Variants in JAZF1 observed in about 807,000 individuals in gnomAD.
JAZF1 encodes the protein juxtaposed with another zinc finger protein 1.
JAZF1 carries 8 observed loss-of-function variants against 26.4 expected under a neutral mutation model. The observed-to-expected ratio is 0.30, with a 90% CI of 0.18 to 0.55. The LOEUF (loss-of-function observed/expected upper bound fraction) is 0.55. JAZF1 is among the 20% of genes least tolerant of loss of function. The pLI is 0.94. For synonymous variants in JAZF1, 126 were observed against 122.3 expected (o/e 1.03, Z -0.20); for missense variants, 199 against 322.0 (o/e 0.62, Z 2.92).
At chr7:28,178,486 T>C (rs1437168615) in intron 1 of JAZF1, among the ~76,000 whole-genome samples, 1 of 152,222 alleles carries the variant, frequency 6.6e-6, no homozygotes, top group Non-Finnish European at 1.5e-5. Context: ...GACAGCCTTC[T>C]GTAAGTCAAG....
intron 1 of JAZF1, among the ~76,000 whole-genome samples, chr7:28,015,914 C>T (rs1315547949): frequency 6.6e-6 from 1 of 152,174 alleles, no homozygotes; most frequent in Non-Finnish European, 1.5e-5. Context: ...GGCTCCAGGT[C>T]CCTGCCTCTC....
intron 1 of JAZF1, among the ~76,000 whole-genome samples, chr7:28,138,144 ACT>A (rs1203443500): frequency 6.6e-6 from 1 of 152,126 alleles, no homozygotes; most frequent in Non-Finnish European, 1.5e-5. Context: ...GCAGGTATAA[ACT>A]CTCTGCAGGG....
At chr7:27,886,983 A>G (rs1430304257) in intron 3 of JAZF1, among the ~76,000 whole-genome samples, 4 of 152,342 alleles carry the variant, frequency 2.6e-5, no homozygotes, top group African/African-American at 7.2e-5. Context: ...CATCATCCTT[A>G]GGAAGCTAAC....
intron 1 of JAZF1, among the ~76,000 whole-genome samples, chr7:28,036,406 T>C (rs1448929061): frequency 2.0e-5 from 3 of 152,240 alleles, no homozygotes; most frequent in Non-Finnish European, 4.4e-5. Context: ...TTTGAAAATA[T>C]TAATAACCTG....
At chr7:27,980,636 C>T (rs1432429058) in intron 2 of JAZF1, among the ~76,000 whole-genome samples, 2 of 152,030 alleles carry the variant, frequency 1.3e-5, no homozygotes, top group African/African-American at 2.4e-5. Flanking sequence ...GATATTTGAG[C>T]AGAAAAGTCG....
At position 28,152,695 on chromosome 7, in the gene JAZF1, A is replaced by T. The variant is rs578256438; in HGVS notation, c.115+27768T>A. Among the ~76,000 whole-genome samples, 171 of 152,366 alleles carry T rather than the reference A, an allele frequency of 1.1e-3. 1 individual carries two copies. In the South Asian group the frequency reaches 0.022, roughly 19 times the overall value. ...AAATACAAGAATAGTAAGTAAATAC[A>T]GCGAGTTAATGAAGAATTACAGATA... On this transcript the variant is annotated intron_variant, in intron 1 of 4. Transcript: ENST00000283928.
chr7:27,991,397 T>C (rs66642060), intron 2 of JAZF1, among the ~76,000 whole-genome samples: 35,561 of 152,056 alleles, frequency 0.23, 4,583 homozygotes, highest in East Asian at 0.5. Context: ...TGCTCTGAAG[T>C]TGGGCTCACA....
In JAZF1 at chr7:27,831,048, T is replaced by G. The variant is rs1562754641; in HGVS notation, c.*1752A>C. 4.5e-6 allele frequency: 1 copy of G among 221,972 alleles called. No individual in the cohort carries two copies. Among genetic ancestry groups the G allele is most frequent in the Non-Finnish European group, 9.0e-6 (1 of 110,802 alleles). 13.8% of individuals were successfully genotyped at this position (221,972 alleles called of 1,614,324 possible). ...AGATATGAAATAGCCAAGTGGGGCC[T>G]TCTTATGCACCAACTAGTTGCGTCT... On this transcript the variant is annotated 3_prime_UTR_variant, in exon 5 of 5. Transcript: ENST00000283928.
At chr7:27,953,381 T>C (rs1785041883) in intron 2 of JAZF1, among the ~76,000 whole-genome samples, 1 of 152,222 alleles carries the variant, frequency 6.6e-6, no homozygotes, top group Non-Finnish European at 1.5e-5. Flanking sequence ...TTTATGTGTA[T>C]AAAAAGGATT....
intron 1 of JAZF1, among the ~76,000 whole-genome samples, chr7:28,032,877 C>T (rs778538567): frequency 2.6e-4 from 40 of 152,130 alleles, no homozygotes; most frequent in Non-Finnish European, 2.1e-4. Context: ...ACATGCTCTA[C>T]CATCTCCCCT....
intron 3 of JAZF1, among the ~76,000 whole-genome samples, chr7:27,845,495 G>A (rs1050046277): frequency 2.6e-5 from 4 of 152,042 alleles, no homozygotes; most frequent in Admixed American, 1.3e-4. Context: ...TCAGGAGTTT[G>A]AGACCAGCCT....
intron 1 of JAZF1, among the ~76,000 whole-genome samples, chr7:28,164,678 C>T (rs1179317949): frequency 6.6e-6 from 1 of 152,154 alleles, no homozygotes; most frequent in Admixed American, 6.5e-5. Flanking sequence ...GGAATCTATA[C>T]AATCTCCCTC....
chr7:28,138,482 T>TA (rs1431693521), intron 1 of JAZF1, among the ~76,000 whole-genome samples: 2 of 152,216 alleles, frequency 1.3e-5, no homozygotes, highest in African/African-American at 2.4e-5. Context: ...CCTTCCCTAA[T>TA]AAAAAACCCT....
Position 27,870,620 on chromosome 7 carries a change from G to A in JAZF1, c.385+24600C>T, listed in dbSNP as rs143989062. Among the ~76,000 whole-genome samples the A allele has an allele frequency of 3.3e-3, 496 of 152,230 alleles. 5 individuals carry two copies. The highest frequency in any genetic ancestry group is 0.011 in the African/African-American group (455 of 41,532). On this transcript the variant is annotated intron_variant, in intron 3 of 4. Coordinates refer to ENST00000283928, the MANE Select transcript of JAZF1 (RefSeq NM_175061.4). ...TACAGAGGACAAGACCAAGGGCCTG[G>A]GGAGGGGGTGACCTGTCCCAGGTCA... is the stretch of plus-strand genomic sequence containing the variant.
intron 1 of JAZF1, among the ~76,000 whole-genome samples, chr7:28,147,915 A>C (rs1783052933): frequency 6.6e-6 from 1 of 152,054 alleles, no homozygotes; most frequent in Admixed American, 6.6e-5. Flanking sequence ...GTCTCAAAAA[A>C]AAGGAAAAGA....
chr7:28,070,553 G>A (rs1217129268), intron 1 of JAZF1, among the ~76,000 whole-genome samples: 1 of 152,212 alleles, frequency 6.6e-6, no homozygotes, highest in Non-Finnish European at 1.5e-5. Flanking sequence ...ATCCCGGCAC[G>A]ATCCTGCCCC....
chr7:28,043,735 G>A (rs1783445140), intron 1 of JAZF1, among the ~76,000 whole-genome samples: 1 of 151,990 alleles, frequency 6.6e-6, no homozygotes, highest in Admixed American at 6.6e-5. Flanking sequence ...CAACCCAAGT[G>A]TCCATTGACT....
chr7:28,116,717 G>C (rs980387062), intron 1 of JAZF1, among the ~76,000 whole-genome samples: 4 of 152,006 alleles, frequency 2.6e-5, no homozygotes, highest in Non-Finnish European at 5.9e-5. Flanking sequence ...CAAAGTGCTG[G>C]GATTACAGGC....
chr7:27,888,289 T>C (rs1783904347), intron 3 of JAZF1, among the ~76,000 whole-genome samples: 3 of 152,214 alleles, frequency 2.0e-5, no homozygotes, highest in Admixed American at 1.3e-4. Flanking sequence ...CCCCTCATTT[T>C]CCACTATTAA....
Sources: allele counts gnomAD v4.1 joint callset (sites outside exome capture counted in the v4.1 genomes callset), GRCh38; gene constraint gnomAD v4.1.1; transcripts MANE v1.5; gene names NCBI Gene and HGNC (gene_info 2026-07-23, HGNC 2026-07-21).